ACSM3: variants seen among roughly 807,000 people sequenced by gnomAD.
ACSM3 encodes acyl-CoA synthetase medium chain family member 3.
ACSM3 carries 61 observed loss-of-function variants against 74.1 expected under a neutral mutation model. That is an observed-to-expected ratio of 0.82 (90% confidence interval 0.67 to 1.02). The LOEUF (loss-of-function observed/expected upper bound fraction) is 1.02. Among genes scored for constraint, ACSM3 ranks in the 50% least tolerant of loss-of-function variants. ACSM3 has a pLI of 0.00. For missense variants in ACSM3, 660 were observed against 697.0 expected (o/e 0.95, Z 0.60); for synonymous variants, 213 against 241.5 (o/e 0.88, Z 1.09).
chr16:20,743,211 T>A (rs2079943384), intron 1 of ACSM3, among the ~76,000 whole-genome samples: 1 of 152,138 alleles, frequency 6.6e-6, no homozygotes, highest in South Asian at 2.1e-4. Context: ...GTGCTGAGAT[T>A]ACAGGCGTGA....
intron 1 of ACSM3, among the ~76,000 whole-genome samples, chr16:20,745,901 G>C (rs2079955880): frequency 1.3e-5 from 2 of 152,138 alleles, no homozygotes; most frequent in African/African-American, 4.8e-5. Context: ...TCCTGCCTTA[G>C]TCTCTTGTTA....
intron 10 of ACSM3, 133 bp from the exon 11 acceptor site, chr16:20,791,869 A>C: frequency 1.0e-6 from 1 of 994,356 alleles, no homozygotes; most frequent in Non-Finnish European, 1.4e-6. Flanking sequence ...CAGAGGTTGC[A>C]GTAAGCCAAG....
intron 1 of ACSM3, among the ~76,000 whole-genome samples, chr16:20,688,946 T>C (rs1391289497): frequency 6.7e-6 from 1 of 149,160 alleles, no homozygotes; most frequent in African/African-American, 2.4e-5. Context: ...TAAAAATAAT[T>C]ATAAATATAT....
chr16:20,749,152 G>A (rs961800098), intron 1 of ACSM3: 13 of 152,080 alleles, frequency 8.5e-5, no homozygotes, highest in Non-Finnish European at 2.9e-5. Flanking sequence ...ATATATCTAT[G>A]TGCACATAGA....
intron 1 of ACSM3, chr16:20,685,548 G>T (rs575701245): frequency 1.0e-5 from 8 of 772,918 alleles, no homozygotes; most frequent in Non-Finnish European, 1.7e-5. Flanking sequence ...ACAGCCAGGC[G>T]CAGTGGCTCA....
intron 1 of ACSM3, among the ~76,000 whole-genome samples, chr16:20,707,467 C>T (rs1023106001): frequency 7.2e-5 from 11 of 152,244 alleles, no homozygotes; most frequent in East Asian, 1.9e-4. Context: ...ATTCACAAAC[C>T]GGACAACAGG....
chr16:20,771,937 G>C (rs2080198652), intron 2 of ACSM3, among the ~76,000 whole-genome samples: 1 of 152,012 alleles, frequency 6.6e-6, no homozygotes, highest in Non-Finnish European at 1.5e-5. Context: ...TTCTAACTGG[G>C]GTAAGATCAT....
chr16:20,708,043 G>A (rs748281164), intron 1 of ACSM3, among the ~76,000 whole-genome samples: 2 of 152,256 alleles, frequency 1.3e-5, no homozygotes, highest in East Asian at 1.9e-4. Flanking sequence ...GTTCATGCCT[G>A]TAATCCCAGC....
chr16:20,727,087 T>A lies in ACSM3; in HGVS notation c.-189-22823T>A, dbSNP rs189319201. Among the ~76,000 whole-genome samples, 50 of 152,334 alleles carry A rather than the reference T, an allele frequency of 3.3e-4. No individual in the cohort carries two copies. In the East Asian group the frequency reaches 8.5e-3, roughly 26 times the overall value. ...TAGCATTTTCTCCCACCTTTTAACA[T>A]CTTTAATAGCTAAGTTCTCCTCCAT... On this transcript the variant is annotated intron_variant, in intron 1 of 3. Coordinates refer to the ACSM3 transcript ENST00000561584.
chr16:20,762,684 C>T (rs1783060473), upstream of ACSM3, among the ~76,000 whole-genome samples: 1 of 152,124 alleles, frequency 6.6e-6, no homozygotes, highest in Non-Finnish European at 1.5e-5. Context: ...CTTATAGTAA[C>T]TGATGCAGAA....
At chr16:20,768,143 T>C (rs1036533234) in intron 1 of ACSM3, among the ~76,000 whole-genome samples, 1 of 152,200 alleles carries the variant, frequency 6.6e-6, no homozygotes, top group African/African-American at 2.4e-5. Context: ...ATGATAAGCA[T>C]TTTGCATACA....
intron 1 of ACSM3, chr16:20,735,668 A>G (rs1381713994): frequency 1.3e-5 from 2 of 152,112 alleles, no homozygotes; most frequent in East Asian, 3.8e-4. Flanking sequence ...GCAGGCTCCT[A>G]GCAATAGAAA....
intron 1 of ACSM3, among the ~76,000 whole-genome samples, chr16:20,745,220 C>T (rs1051013952): frequency 2.6e-5 from 4 of 152,142 alleles, no homozygotes; most frequent in South Asian, 2.1e-4. Flanking sequence ...GGTTACCTCC[C>T]AGACATGGAC....
In ACSM3 at chr16:20,790,564, TA is replaced by T. The variant is rs1344447913; in HGVS notation, c.1225-20del. ...GACATTAAACAAAAATTTCCTTAAATAAATTGTTCTATTTTATCCTAGATTG... is the reference window on the plus strand; with the variant it reads ...GACATTAAACAAAAATTTCCTTAAATAATTGTTCTATTTTATCCTAGATTG... On this transcript the variant is annotated intron_variant, in intron 9 of 13. Transcript: ENST00000289416. This position sits in a 1 kb window ranked among gnomAD's most constrained non-coding sequence, Gnocchi z 4.0. 4 of 1,589,568 alleles carry T rather than the reference TA, an allele frequency of 2.5e-6. No homozygotes were observed. Among genetic ancestry groups the T allele is most frequent in the Middle Eastern group, 1.7e-4 (1 of 5,974 alleles).
chr16:20,739,638 T>C (rs757013248), intron 1 of ACSM3, among the ~76,000 whole-genome samples: 5 of 151,936 alleles, frequency 3.3e-5, no homozygotes, highest in African/African-American at 4.8e-5. Context: ...CTAGCCAACA[T>C]GGTGAAACCT....
chr16:20,770,912 C>A (rs530168711), intron 2 of ACSM3, among the ~76,000 whole-genome samples: 1 of 152,276 alleles, frequency 6.6e-6, no homozygotes, highest in East Asian at 1.9e-4. Context: ...TCTCTCCTAG[C>A]TTTTTGAACA....
intron 1 of ACSM3, among the ~76,000 whole-genome samples, chr16:20,699,861 C>T (rs535413843): frequency 1.6e-4 from 25 of 152,120 alleles, no homozygotes; most frequent in Non-Finnish European, 2.8e-4. Context: ...AGGTATACAG[C>T]GGACAAAGGA....
chr16:20,773,473 G>A (rs939657471), intron 2 of ACSM3, among the ~76,000 whole-genome samples: 21 of 151,978 alleles, frequency 1.4e-4, no homozygotes, highest in Non-Finnish European at 1.0e-4. Flanking sequence ...CTTTCTGCTT[G>A]TTTGATATAG....
intron 1 of ACSM3, among the ~76,000 whole-genome samples, chr16:20,706,060 G>A (rs898106979): frequency 6.6e-6 from 1 of 150,710 alleles, no homozygotes; most frequent in Non-Finnish European, 1.5e-5. Flanking sequence ...TATAAAAAGT[G>A]AAGCCTCAGT....
Sources: gnomAD v4.1 joint callset for allele counts (sites outside exome capture counted in the v4.1 genomes callset) on GRCh38, gnomAD v4.1.1 for gene constraint, Gnocchi (gnomAD v3.1) non-coding constraint, MANE v1.5 for transcripts, NCBI Gene and HGNC (gene_info 2026-07-23, HGNC 2026-07-21) for gene names.